Variants in LMX1B observed in about 807,000 individuals in gnomAD.
The protein encoded by LMX1B is LIM homeobox transcription factor 1-beta.
A neutral mutation model predicts 51.4 loss-of-function variants in LMX1B; 12 were observed. That is an observed-to-expected ratio of 0.23 (90% CI 0.15 to 0.38). LMX1B has a LOEUF of 0.38. Ranked by LOEUF, LMX1B falls within the 10% of genes least tolerant of loss-of-function variation. LMX1B has a pLI of 1.00. For synonymous variants in LMX1B, 237 were observed against 235.4 expected (o/e 1.01, Z -0.06); for missense variants, 445 against 571.1 (o/e 0.78, Z 2.25).
In LMX1B at chr9:126,678,712, C is replaced by G. The variant is rs182592300; in HGVS notation, c.327-12124C>G. 9.3e-4 allele frequency among the ~76,000 whole-genome samples: 142 copies of G among 152,262 alleles called. 1 individual carries two copies. The highest frequency in any genetic ancestry group is 3.4e-3 in the Middle Eastern group (1 of 294). On this transcript the variant is annotated intron_variant, in intron 2 of 7. Transcript: ENST00000373474. ...ACTGGCCACAAATTAACCAAAGAGT[C>G]CATCAGCAGGATCCAATACAGGCAA...
At chr9:126,690,417 G>A (rs1005356316) in intron 2 of LMX1B, among the ~76,000 whole-genome samples, 1 of 152,190 alleles carries the variant, frequency 6.6e-6, no homozygotes, top group Non-Finnish European at 1.5e-5. Flanking sequence ...GCAGGGCTGG[G>A]AATTGCTTGG....
At chr9:126,655,217 C>G (rs1261514529) in intron 2 of LMX1B, among the ~76,000 whole-genome samples, 1 of 152,266 alleles carries the variant, frequency 6.6e-6, no homozygotes, top group Non-Finnish European at 1.5e-5. Flanking sequence ...TTGTCCGCAG[C>G]TCAGCCCTGA....
chr9:126,647,466 G>A (rs777860560), intron 2 of LMX1B, among the ~76,000 whole-genome samples: 2 of 152,150 alleles, frequency 1.3e-5, no homozygotes, highest in Non-Finnish European at 2.9e-5. Flanking sequence ...TCACCTTGGC[G>A]CCTTCAGCTC....
intron 2 of LMX1B, among the ~76,000 whole-genome samples, chr9:126,645,922 G>A (rs984304867): frequency 5.3e-5 from 8 of 152,152 alleles, no homozygotes; most frequent in Admixed American, 1.3e-4. Flanking sequence ...CAGCCCCACC[G>A]TGCCCCTGAG....
chr9:126,669,417 G>A (rs958793260), intron 2 of LMX1B, among the ~76,000 whole-genome samples: 2 of 152,182 alleles, frequency 1.3e-5, no homozygotes, highest in African/African-American at 4.8e-5. Context: ...GGACTTCTGA[G>A]AAAAGTTTCC....
chr9:126,693,013 C>T, intron 3 of LMX1B, 129 bp from the exon 4 acceptor site: 2 of 982,418 alleles, frequency 2.0e-6, no homozygotes, highest in Non-Finnish European at 3.0e-6. Flanking sequence ...TCCTGGGCCA[C>T]TGGGGAGCCA....
At chr9:126,691,349 G>T (rs1028736850) in intron 3 of LMX1B, among the ~76,000 whole-genome samples, 2 of 152,072 alleles carry the variant, frequency 1.3e-5, no homozygotes, top group African/African-American at 4.8e-5. Context: ...TAAAATGCAT[G>T]CAGGAATACC....
intron 2 of LMX1B, among the ~76,000 whole-genome samples, chr9:126,664,378 A>G (rs971632893): frequency 1.3e-5 from 2 of 152,070 alleles, no homozygotes; most frequent in Admixed American, 6.5e-5. Flanking sequence ...GCCCAGCCCA[A>G]TCCCCCACCC....
At chr9:126,620,314 CCA>C (rs1435153036) in intron 2 of LMX1B, among the ~76,000 whole-genome samples, 2 of 152,190 alleles carry the variant, frequency 1.3e-5, no homozygotes, top group Non-Finnish European at 2.9e-5. Flanking sequence ...CCTCCCAGCC[CCA>C]AGTCTTAGCA....
At chr9:126,646,357 C>CATCCACCCATCTATCCGCTT (rs1370625418) in intron 2 of LMX1B, among the ~76,000 whole-genome samples, 2 of 131,826 alleles carry the variant, frequency 1.5e-5, no homozygotes, top group East Asian at 5.7e-4. Flanking sequence ...TCTACCTACC[C>CATCCACCCATCTATCCGCTT]ATCCACCCAT....
rs1361888793 is a variant in LMX1B, at chr9:126,618,136, C to A, written c.326+2567C>A. 6.6e-6 allele frequency among the ~76,000 whole-genome samples: 1 copy of A among 152,114 alleles called. No homozygotes were observed. The highest frequency in any genetic ancestry group is 6.5e-5 in the Admixed American group (1 of 15,272). ...TCAGACAGGAATCCAAGCAAGCGGG[C>A]GCAGAAACGTGCCTTCTTGATATTG... On this transcript the variant is annotated intron_variant, in intron 2 of 7. Coordinates refer to ENST00000373474, the MANE Select transcript of LMX1B (RefSeq NM_001174147.2). The surrounding 1 kb of genome is among the most constrained non-coding windows in gnomAD (Gnocchi z 4.5).
chr9:126,646,896 AG>A lies in LMX1B; in HGVS notation c.326+31332del, dbSNP rs141049482. Among the ~76,000 whole-genome samples, 7 of 152,274 alleles carry A rather than the reference AG, an allele frequency of 4.6e-5. No individual in the cohort carries two copies. In the South Asian group the frequency reaches 1.5e-3, roughly 32 times the overall value. On this transcript the variant is annotated intron_variant, in intron 2 of 7. Transcript: ENST00000373474. ...TGAGGTCACAGTCTAACAAGGGGGT[AG>A]GGGGTGGAACACACAATGTGATAGG...
chr9:126,660,059 C>CTACAATGGCCTTAGAGATTGTTCCAT (rs1836205816), intron 2 of LMX1B, among the ~76,000 whole-genome samples: 2 of 59,762 alleles, frequency 3.3e-5, no homozygotes, highest in African/African-American at 6.3e-5. Context: ...GGTTGTCCTG[C>CTACAATGGCCTTAGAGATTGTTCCAT]GTGGGGGTGT....
At chr9:126,689,925 T>C (rs13285134) in intron 2 of LMX1B, among the ~76,000 whole-genome samples, 14,542 of 152,274 alleles carry the variant, frequency 0.095, 1,058 homozygotes, top group East Asian at 0.35. Flanking sequence ...CGTCTCTGCA[T>C]ATAAGATGCT....
intron 2 of LMX1B, among the ~76,000 whole-genome samples, chr9:126,644,390 G>C (rs1251929631): frequency 6.6e-6 from 1 of 152,182 alleles, no homozygotes; most frequent in Non-Finnish European, 1.5e-5. Context: ...GGTGGAGTCA[G>C]GCTCAGAAGA....
rs1030784232 is a variant in LMX1B, at chr9:126,693,802, G to A, written c.876G>A (p.Arg292=). The A allele has an allele frequency of 1.5e-6, 2 of 1,377,548 alleles. No homozygotes were observed. Among genetic ancestry groups the A allele is most frequent in the Admixed American group, 2.0e-5 (1 of 50,874 alleles). The allele number at this position is 1,377,548 out of a possible 1,614,324, so 85.3% of individuals were successfully genotyped here. Residue 292 remains arginine, a synonymous_variant, in exon 6 of 8, where the codon CGG becomes CGA. Transcript: ENST00000373474. ...AGCAGGAGCAGCAGAACTCCCAGCG[G>A]CTGGGCCAGGGTGAGCCGGGGCCGG... ...QQQQEQQNSQ[R]LGQEVLSSRM... is the part of the protein sequence containing the mutation.
At chr9:126,687,088 G>A (rs1020595609) in intron 2 of LMX1B, among the ~76,000 whole-genome samples, 3 of 152,220 alleles carry the variant, frequency 2.0e-5, no homozygotes, top group South Asian at 2.1e-4. Flanking sequence ...CAACAAAGGC[G>A]TTTTGGGCAC....
intron 2 of LMX1B, among the ~76,000 whole-genome samples, chr9:126,637,230 G>C (rs1037960483): frequency 6.6e-6 from 1 of 152,206 alleles, no homozygotes; most frequent in Non-Finnish European, 1.5e-5. Context: ...GCTCCTCCTT[G>C]GGGACTCTGG....
At chr9:126,675,588 A>G (rs1197021169) in intron 2 of LMX1B, among the ~76,000 whole-genome samples, 3 of 150,988 alleles carry the variant, frequency 2.0e-5, no homozygotes, top group Non-Finnish European at 4.4e-5. Context: ...AGCTGGGCGT[A>G]GTGGCACACG....
Sources: allele counts gnomAD v4.1 joint callset (sites outside exome capture counted in the v4.1 genomes callset), GRCh38; gene constraint gnomAD v4.1.1; non-coding constraint Gnocchi (gnomAD v3.1); transcripts MANE v1.5; gene names NCBI Gene and HGNC (gene_info 2026-07-23, HGNC 2026-07-21).